Variants in SLC35F4 observed in about 807,000 individuals in gnomAD.
The protein encoded by SLC35F4 is chromosome 14 open reading frame 36.
Under a neutral mutation model 44.2 loss-of-function variants are expected in SLC35F4, and 24 were observed. The observed-to-expected ratio is 0.54, with a 90% CI of 0.39 to 0.76. The LOEUF is 0.76. Among genes scored for constraint, SLC35F4 ranks in the 30% least tolerant of loss-of-function variants. The pLI, the probability that SLC35F4 is intolerant of heterozygous loss-of-function variation, is 0.00. For synonymous variants in SLC35F4, 238 were observed against 223.6 expected (o/e 1.06, Z -0.57); for missense variants, 562 against 586.1 (o/e 0.96, Z 0.42).
chr14:57,684,729 A>C (rs1482110605), intron 1 of SLC35F4, among the ~76,000 whole-genome samples: 1 of 152,158 alleles, frequency 6.6e-6, no homozygotes, highest in Non-Finnish European at 1.5e-5. Flanking sequence ...GGGTTGAGTA[A>C]AGCACCATAT....
intron 1 of SLC35F4, among the ~76,000 whole-genome samples, chr14:57,688,097 G>A (rs1594798061): frequency 6.6e-6 from 1 of 152,090 alleles, no homozygotes; most frequent in Non-Finnish European, 1.5e-5. Flanking sequence ...TTAGTGTGGA[G>A]TAAAGCCCAT....
At chr14:57,659,893 T>G (rs139724828) in intron 1 of SLC35F4, among the ~76,000 whole-genome samples, 83 of 152,258 alleles carry the variant, frequency 5.5e-4, no homozygotes, top group African/African-American at 1.7e-3. Flanking sequence ...GTGTAAAAAT[T>G]AAAAGGTAGC....
Position 57,630,553 on chromosome 14 carries a change from GTC to G in SLC35F4, c.104-36431_104-36430del, listed in dbSNP as rs757835390. The G allele has an allele frequency of 9.6e-5, 105 of 1,095,940 alleles. 2 individuals carry two copies. The Middle Eastern group carries it at 1.1e-3, about 12-fold the overall frequency. 67.9% of individuals were successfully genotyped at this position (1,095,940 alleles called of 1,614,324 possible). A position where few individuals can be genotyped will look rare whatever the true frequency, so the allele number is the denominator to read the frequency against. Reference sequence around the variant, plus strand: ...AAATAGATTCCAAAACACATTATAAGTCTGGCTCAAGATATGAAAAGGAATTA... The same window carrying G: ...AAATAGATTCCAAAACACATTATAAGTGGCTCAAGATATGAAAAGGAATTA... On this transcript the variant is annotated intron_variant, in intron 1 of 7. Coordinates refer to ENST00000556826, the MANE Select transcript of SLC35F4 (RefSeq NM_001306087.2).
chr14:57,979,828 CAG>C (rs147040701), intron 1 of SLC35F4, among the ~76,000 whole-genome samples: 16,545 of 152,202 alleles, frequency 0.11, 1,020 homozygotes, highest in Non-Finnish European at 0.13. Context: ...GACACTGACT[CAG>C]GGGAGCTGAT....
intron 1 of SLC35F4, among the ~76,000 whole-genome samples, chr14:57,615,602 C>T (rs1566686797): frequency 6.6e-6 from 1 of 151,444 alleles, no homozygotes; most frequent in Non-Finnish European, 1.5e-5. Context: ...AGATTTGGAG[C>T]TTTTCTGACA....
At chr14:57,764,620 G>C (rs544139620) in intron 1 of SLC35F4, among the ~76,000 whole-genome samples, 2 of 152,194 alleles carry the variant, frequency 1.3e-5, no homozygotes, top group Admixed American at 1.3e-4. Flanking sequence ...ACCCTACATG[G>C]GTAAAAACAG....
chr14:57,733,155 T>C (rs1035358546), intron 1 of SLC35F4, among the ~76,000 whole-genome samples: 7 of 152,120 alleles, frequency 4.6e-5, no homozygotes, highest in African/African-American at 1.4e-4. Context: ...CCAACTGCCA[T>C]ATTATAGGTT....
chr14:57,942,992 T>G (rs967196978), intron 1 of SLC35F4, among the ~76,000 whole-genome samples: 1 of 152,188 alleles, frequency 6.6e-6, no homozygotes, highest in African/African-American at 2.4e-5. Context: ...TTGAATCTAG[T>G]TTTTTTAAAA....
At chr14:57,886,821 A>C (rs1246252935) in intron 1 of SLC35F4, among the ~76,000 whole-genome samples, 1 of 152,208 alleles carries the variant, frequency 6.6e-6, no homozygotes, top group Admixed American at 6.5e-5. Flanking sequence ...AGCTAAATTA[A>C]CCAGGCATAA....
rs369276440 is a variant in SLC35F4 at position 57,569,754 on chromosome 14, T to C, written c.1126+34A>G. Reference sequence around the variant, plus strand: ...CTAACTAGCCAAAGAAAGATTGATATAGGGAATGGAAGGCAAAACCCGAGG... The same window carrying C: ...CTAACTAGCCAAAGAAAGATTGATACAGGGAATGGAAGGCAAAACCCGAGG... On this transcript the variant is annotated intron_variant, in intron 6 of 7. Transcript: ENST00000556826. 4.0e-5 allele frequency: 61 copies of C among 1,538,566 alleles called. No individual in the cohort carries two copies. The African/African-American group carries it at 7.9e-4, about 20-fold the overall frequency.
At chr14:57,672,783 ATT>A (rs10569229) in intron 1 of SLC35F4, among the ~76,000 whole-genome samples, 89,641 of 150,448 alleles carry the variant, frequency 0.6, 26,856 homozygotes, top group South Asian at 0.71. Flanking sequence ...ATTTTATTTT[ATT>A]TTTTTTTTTT....
intron 1 of SLC35F4, among the ~76,000 whole-genome samples, chr14:57,624,173 T>A (rs1172943625): frequency 6.6e-6 from 1 of 152,120 alleles, no homozygotes; most frequent in Non-Finnish European, 1.5e-5. Flanking sequence ...GATAAACACC[T>A]CTACACAAAT....
intron 6 of SLC35F4, among the ~76,000 whole-genome samples, chr14:57,567,431 C>T (rs2068261754): frequency 6.6e-6 from 1 of 152,060 alleles, no homozygotes; most frequent in African/African-American, 2.4e-5. Flanking sequence ...CTCTGCAGAA[C>T]CAAAAAAAGT....
intron 1 of SLC35F4, among the ~76,000 whole-genome samples, chr14:57,753,652 T>C (rs565347678): frequency 6.6e-6 from 1 of 152,262 alleles, no homozygotes; most frequent in African/African-American, 2.4e-5. Context: ...AAGAATTCTC[T>C]TACATACCAC....
At chr14:57,621,619 A>G (rs376007952) in intron 1 of SLC35F4, among the ~76,000 whole-genome samples, 2 of 152,202 alleles carry the variant, frequency 1.3e-5, no homozygotes, top group Non-Finnish European at 2.9e-5. Flanking sequence ...GCCATATGTA[A>G]AAAGCTGAAA....
chr14:57,648,956 C>T (rs1039936799), intron 1 of SLC35F4, among the ~76,000 whole-genome samples: 2 of 152,128 alleles, frequency 1.3e-5, no homozygotes, highest in African/African-American at 4.8e-5. Flanking sequence ...GCTTCAGTTA[C>T]CCTGGCCTCA....
intron 1 of SLC35F4, among the ~76,000 whole-genome samples, chr14:57,827,000 A>AT (rs1883847619): frequency 6.6e-6 from 1 of 152,316 alleles, no homozygotes; most frequent in African/African-American, 2.4e-5. Context: ...CAGCAATCCC[A>AT]TTACTGGGTA....
At chr14:57,765,210 C>T (rs1471383649) in intron 1 of SLC35F4, among the ~76,000 whole-genome samples, 1 of 152,176 alleles carries the variant, frequency 6.6e-6, no homozygotes, top group African/African-American at 2.4e-5. Flanking sequence ...CTATTGTAAT[C>T]TGATGTCTTT....
intron 1 of SLC35F4, among the ~76,000 whole-genome samples, chr14:57,724,034 C>G (rs1443481210): frequency 6.6e-6 from 1 of 152,112 alleles, no homozygotes; most frequent in Non-Finnish European, 1.5e-5. Flanking sequence ...CTTCTACAAC[C>G]AAAAAAGAGG....
Sources: allele counts gnomAD v4.1 joint callset (sites outside exome capture counted in the v4.1 genomes callset), GRCh38; gene constraint gnomAD v4.1.1; transcripts MANE v1.5; gene names NCBI Gene and HGNC (gene_info 2026-07-23, HGNC 2026-07-21).